Variants in ADGRG2 observed in about 807,000 individuals in gnomAD.
ADGRG2 encodes the protein G protein-coupled receptor 64.
ADGRG2 carries 26 observed loss-of-function variants against 74.1 expected under a neutral mutation model. That is an observed-to-expected ratio of 0.35 (90% CI 0.26 to 0.49). ADGRG2 has a LOEUF of 0.49. Ranked by LOEUF, ADGRG2 falls within the 20% of genes least tolerant of loss-of-function variation. The pLI, the probability that ADGRG2 is intolerant of heterozygous loss-of-function variation, is 0.99. For missense variants in ADGRG2, 619 were observed against 763.1 expected (o/e 0.81, Z 2.22); for synonymous variants, 296 against 295.2 (o/e 1.00, Z -0.03).
At position 19,002,855 on chromosome X, in the gene ADGRG2, C is replaced by G; in HGVS notation, c.2221G>C (p.Val741Leu). Residue 741 changes from valine to leucine, a missense_variant, in exon 24 of 29, where the codon GTC becomes CTC. By Grantham distance (32) the Val-to-Leu change is conservative. Transcript: ENST00000379869. ...IRKYILKFCI[V>L]GWGVPAVVVT... is the part of the protein sequence containing the mutation. Reference sequence around the variant, plus strand: ...GCAAGCTTATACATACCCCAACCGACAATGCAGAATTTAAGGATGTATTTT... The same window carrying G: ...GCAAGCTTATACATACCCCAACCGAGAATGCAGAATTTAAGGATGTATTTT... 1 of 1,209,430 alleles carries G rather than the reference C, an allele frequency of 8.3e-7. No homozygotes were observed. Among genetic ancestry groups the G allele is most frequent in the Non-Finnish European group, 1.1e-6 (1 of 893,613 alleles).
chrX:19,051,515 C>G (rs1279401728), intron 3 of ADGRG2, among the ~76,000 whole-genome samples: 8 of 111,931 alleles, frequency 7.1e-5, no homozygotes. Flanking sequence ...ACAAGTTCTT[C>G]CAGAACTTTG....
Position 19,013,705 on chromosome X carries a change from G to A in ADGRG2, c.1080C>T (p.Ser360=), listed in dbSNP as rs774854344. 23 of 1,193,096 alleles carry A rather than the reference G, an allele frequency of 1.9e-5. No individual in the cohort carries two copies. In the East Asian group the frequency reaches 3.0e-4, roughly 15 times the overall value. ...VSAPANVNTT[S]APPVQTDIVN... ...ATTTACCTGTCTGGACAGGAGGTGC[G>A]CTGGTAGTGTTGACATTCGCAGGGG... is the stretch of plus-strand genomic sequence containing the variant. The change falls in exon 16 of 29, where the codon AGC becomes AGT. Residue 360 remains serine, a synonymous_variant. Coordinates refer to ENST00000379869, the MANE Select transcript of ADGRG2 (RefSeq NM_001079858.3).
chrX:19,100,932 A>G (rs2062177052), intron 1 of ADGRG2, among the ~76,000 whole-genome samples: 1 of 113,424 alleles, frequency 8.8e-6, no homozygotes, highest in Non-Finnish European at 1.9e-5. Flanking sequence ...AAAGGGTAAA[A>G]GGATTATTTG....
chrX:19,115,413 G>A (rs1211287506), intron 1 of ADGRG2, among the ~76,000 whole-genome samples: 1 of 111,731 alleles, frequency 9.0e-6, no homozygotes, highest in East Asian at 2.8e-4. Context: ...AGGTAACAGT[G>A]ATATAAAGAA....
intron 3 of ADGRG2, among the ~76,000 whole-genome samples, chrX:19,064,699 A>C (rs774318360): frequency 8.9e-6 from 1 of 112,259 alleles, no homozygotes; most frequent in South Asian, 3.7e-4. Context: ...CTAGCATAGC[A>C]GAGAGGTTAA....
At chrX:19,011,667 C>A (rs1359852744) in intron 16 of ADGRG2, among the ~76,000 whole-genome samples, 1 of 111,426 alleles carries the variant, frequency 9.0e-6, no homozygotes, top group Non-Finnish European at 1.9e-5. Context: ...CATGGGGGAA[C>A]CCTGTCTCTA....
chrX:19,060,252 C>T (rs751389869), intron 3 of ADGRG2, among the ~76,000 whole-genome samples: 52 of 112,969 alleles, frequency 4.6e-4, no homozygotes, highest in Middle Eastern at 4.6e-3. Context: ...AGAGCCACTT[C>T]TAGAGCTTTT....
chrX:19,057,387 C>T (rs2061423057), intron 3 of ADGRG2, among the ~76,000 whole-genome samples: 1 of 112,044 alleles, frequency 8.9e-6, no homozygotes, highest in Non-Finnish European at 1.9e-5. Context: ...CATCAGGAAA[C>T]TGAAGTTCAT....
At chrX:19,093,916 C>G (rs1180446611) in intron 1 of ADGRG2, among the ~76,000 whole-genome samples, 1 of 100,066 alleles carries the variant, frequency 1.0e-5, no homozygotes, top group Non-Finnish European at 1.9e-5. Flanking sequence ...CACACACACA[C>G]ACACACACAC....
chrX:19,087,083 C>T (rs900063368), intron 1 of ADGRG2, among the ~76,000 whole-genome samples: 1 of 111,485 alleles, frequency 9.0e-6, no homozygotes, highest in Non-Finnish European at 1.9e-5. Context: ...TAGGTATTGC[C>T]ATCGAGGAAC....
intron 1 of ADGRG2, among the ~76,000 whole-genome samples, chrX:19,093,741 T>C (rs1264195845): frequency 1.8e-5 from 2 of 111,910 alleles, no homozygotes; most frequent in African/African-American, 6.5e-5. Context: ...GTTGTTTTTT[T>C]GGTAAGGGCT....
chrX:19,113,789 C>A (rs1331324061), intron 1 of ADGRG2, among the ~76,000 whole-genome samples: 2 of 111,671 alleles, frequency 1.8e-5, no homozygotes, highest in Non-Finnish European at 3.8e-5. Context: ...AACGTTAAGG[C>A]CGGGTGCGGT....
Position 18,999,892 on chromosome X carries a change from C to T in ADGRG2, c.2299G>A (p.Gly767Arg). The T allele has an allele frequency of 8.4e-7, 1 of 1,194,360 alleles. No individual in the cohort carries two copies. Among genetic ancestry groups the T allele is most frequent in the East Asian group, 3.0e-5 (1 of 33,758 alleles). Residue 767 changes from glycine to arginine, a missense_variant, in exon 25 of 29, where the codon GGG (glycine) becomes AGG (arginine). By Grantham distance (125) the Gly-to-Arg change is moderately radical. Around this residue, in one of 3 missense-constraint regions of ADGRG2, gnomAD observed 221 missense variants for 340.6 expected, o/e 0.65. Coordinates refer to ENST00000379869, the MANE Select transcript of ADGRG2 (RefSeq NM_001079858.3). ...TCCGGTGAACCATTGGGGAATTTCC[C>T]ATAGGATCCAAGCCCATAGTTATCT... Reference protein sequence around the residue: ...SPDNYGLGSYGKFPNGSPDDF... With the variant: ...SPDNYGLGSYRKFPNGSPDDF...
rs748616039 is a variant in ADGRG2, at chrX:19,021,549, C to T, written c.549-351G>A. Among the ~76,000 whole-genome samples the T allele has an allele frequency of 1.7e-3, 188 of 111,904 alleles. 1 individual carries two copies. Among genetic ancestry groups the T allele is most frequent in the African/African-American group, 6.0e-3 (185 of 30,835 alleles). ...ACCTTGACACCTTTAATCTCACCCC[C>T]AAAACACTAGCTGGCCACTTGCCTG... is the stretch of plus-strand genomic sequence containing the variant. On this transcript the variant is annotated intron_variant, in intron 13 of 28. Transcript: ENST00000379869.
intron 3 of ADGRG2, among the ~76,000 whole-genome samples, chrX:19,064,574 G>A (rs2061536241): frequency 8.9e-6 from 1 of 112,317 alleles, no homozygotes; most frequent in South Asian, 3.7e-4. Context: ...CAAAGCTATT[G>A]GAGGAGGCGG....
At chrX:19,050,806 C>T (rs1356769833) in intron 3 of ADGRG2, among the ~76,000 whole-genome samples, 1 of 112,002 alleles carries the variant, frequency 8.9e-6, no homozygotes, top group East Asian at 2.8e-4. Flanking sequence ...TTTTTGACAG[C>T]TCCTCTAGCA....
chrX:19,009,668 G>T lies in ADGRG2; in HGVS notation c.1380C>A (p.Phe460Leu). The T allele has an allele frequency of 8.3e-7, 1 of 1,206,468 alleles. No individual in the cohort carries two copies. Among genetic ancestry groups the T allele is most frequent in the Non-Finnish European group, 1.1e-6 (1 of 890,658 alleles). The change falls in exon 18 of 29, where the codon TTC (phenylalanine) becomes TTA (leucine). Residue 460 changes from phenylalanine (F) to leucine (L), a missense_variant. Physicochemically the swap from Phe to Leu is conservative, Grantham distance 22. Around this residue, in one of 3 missense-constraint regions of ADGRG2, gnomAD observed 221 missense variants for 340.6 expected, o/e 0.65. Transcript: ENST00000379869. Reference sequence around the variant, plus strand: ...CTTGGGCCACAAAGGTAGTTGTGTTGAAACTACTGGCATTCACTCTGATCA... The same window carrying T: ...CTTGGGCCACAAAGGTAGTTGTGTTTAAACTACTGGCATTCACTCTGATCA... ...LAVIRVNASS[F>L]NTTTFVAQDP...
chrX:19,088,846 G>A (rs1180122792), intron 1 of ADGRG2, among the ~76,000 whole-genome samples: 1 of 112,176 alleles, frequency 8.9e-6, no homozygotes. Context: ...TGTTCATGTA[G>A]GATGGGTCTC....
intron 16 of ADGRG2, among the ~76,000 whole-genome samples, chrX:19,012,374 G>A (rs1402664177): frequency 9.0e-6 from 1 of 111,376 alleles, no homozygotes; most frequent in African/African-American, 3.3e-5. Context: ...TTAGCTTTGG[G>A]AAGGTGGGCA....
Sources: allele counts gnomAD v4.1 joint callset (sites outside exome capture counted in the v4.1 genomes callset), GRCh38; gene constraint gnomAD v4.1.1; regional missense constraint gnomAD v4.1.1; transcripts MANE v1.5; gene names NCBI Gene and HGNC (gene_info 2026-07-23, HGNC 2026-07-21).